TRERF1: variants seen among roughly 807,000 people sequenced by gnomAD.
The protein encoded by TRERF1 is transcriptional-regulating factor 1.
TRERF1 carries 27 observed loss-of-function variants against 122.9 expected under a neutral mutation model. The observed-to-expected ratio is 0.22, with a 90% CI of 0.16 to 0.30. The LOEUF is 0.30. Among genes scored for constraint, TRERF1 ranks in the 10% least tolerant of loss-of-function variants. TRERF1 has a pLI of 1.00. For missense variants in TRERF1, 1,248 were observed against 1,560.3 expected, an observed-to-expected ratio of 0.80 and a Z score of 3.37; for synonymous variants, 636 against 641.7, an observed-to-expected ratio of 0.99 and a Z score of 0.13.
chr6:42,292,153 T>C (rs1784420864), intron 4 of TRERF1, among the ~76,000 whole-genome samples: 1 of 152,222 alleles, frequency 6.6e-6, no homozygotes, highest in Non-Finnish European at 1.5e-5. Flanking sequence ...AGCAGTCTCA[T>C]TGCCTGGGGT....
chr6:42,236,384 CCTCT>C lies in TRERF1; in HGVS notation c.2883_2886del (p.Glu962ArgfsTer68). On this transcript the variant is annotated frameshift_variant, in exon 16 of 18. Transcript: ENST00000372922. LOFTEE classifies it high-confidence loss of function. The stretch of plus-strand genomic sequence containing the variant: ...TCTTCCGGGTCCTCCTCCTCCTCCT[CCTCT>C]AACTCTTCTTCTTCTTCACTTGTCT... 1 of 1,558,608 alleles carries C rather than the reference CCTCT, an allele frequency of 6.4e-7. No individual in the cohort carries two copies. The highest frequency in any genetic ancestry group is 8.7e-7 in the Non-Finnish European group (1 of 1,150,466).
chr6:42,296,660 T>G (rs981416611), intron 4 of TRERF1, among the ~76,000 whole-genome samples: 17 of 151,318 alleles, frequency 1.1e-4, no homozygotes, highest in Admixed American at 1.1e-3. Flanking sequence ...TAGACTCCCC[T>G]CCAATGAAAG....
At chr6:42,416,149 A>G (rs1781805139) in intron 2 of TRERF1, among the ~76,000 whole-genome samples, 1 of 152,020 alleles carries the variant, frequency 6.6e-6, no homozygotes, top group Non-Finnish European at 1.5e-5. Flanking sequence ...TTGTGCATTA[A>G]CTATGCACCA....
At chr6:42,337,381 A>G (rs1436502051) in intron 3 of TRERF1, among the ~76,000 whole-genome samples, 1 of 152,184 alleles carries the variant, frequency 6.6e-6, no homozygotes, top group Non-Finnish European at 1.5e-5. Context: ...CCTGATCCTC[A>G]AGGAGGTTAG....
intron 3 of TRERF1, among the ~76,000 whole-genome samples, chr6:42,329,324 A>G (rs997204913): frequency 1.3e-5 from 2 of 151,940 alleles, no homozygotes; most frequent in Admixed American, 6.6e-5. Context: ...GATGACAGCC[A>G]TGCTCATCCC....
chr6:42,303,093 G>T lies in TRERF1; in HGVS notation c.-370-2344C>A, dbSNP rs557015438. Among the ~76,000 whole-genome samples the T allele has an allele frequency of 3.5e-4, 53 of 152,322 alleles. 1 individual carries two copies. The highest frequency in any genetic ancestry group is 1.2e-3 in the African/African-American group (51 of 41,570). On this transcript the variant is annotated intron_variant, in intron 3 of 17. Transcript: ENST00000372922. Reference sequence around the variant, plus strand: ...TGGCTGGAGTTAAGGGAAAGGAAATGAAATTAACTAGTTCAATCCATTCAT... The same window carrying T: ...TGGCTGGAGTTAAGGGAAAGGAAATTAAATTAACTAGTTCAATCCATTCAT...
Position 42,373,413 on chromosome 6 carries a change from A to G in TRERF1, c.-453-10334T>C, listed in dbSNP as rs140499520. ...CTGGGCACGGTGGCTCACACCTGCA[A>G]TCCCAGCACTTTGGGAGGCCAAGGC... On this transcript the variant is annotated intron_variant, in intron 2 of 17. Coordinates refer to ENST00000372922, the Ensembl canonical transcript of TRERF1. Among the ~76,000 whole-genome samples the G allele has an allele frequency of 4.4e-3, 671 of 152,340 alleles. 3 individuals are homozygous for G. Among genetic ancestry groups the G allele is most frequent in the Non-Finnish European group, 6.0e-3 (405 of 68,028 alleles).
intron 3 of TRERF1, among the ~76,000 whole-genome samples, chr6:42,337,316 T>C (rs654043): frequency 0.19 from 29,086 of 152,150 alleles, 3,842 homozygotes; most frequent in African/African-American, 0.36. Context: ...TGAAGCATCT[T>C]TTTCCACTTG....
chr6:42,315,583 G>T (rs1273659634), intron 3 of TRERF1, among the ~76,000 whole-genome samples: 2 of 152,096 alleles, frequency 1.3e-5, no homozygotes, highest in African/African-American at 4.8e-5. Context: ...AGCTAAGAGG[G>T]AGCTCCTGGA....
intron 2 of TRERF1, among the ~76,000 whole-genome samples, chr6:42,441,043 C>T (rs1786424729): frequency 6.6e-6 from 1 of 152,166 alleles, no homozygotes; most frequent in African/African-American, 2.4e-5. Flanking sequence ...CAGAAGTAGA[C>T]ATATATTTTC....
At chr6:42,360,784 A>C (rs1012809216) in intron 3 of TRERF1, among the ~76,000 whole-genome samples, 1 of 139,454 alleles carries the variant, frequency 7.2e-6, no homozygotes, top group Non-Finnish European at 1.5e-5. Flanking sequence ...AAAAAAAAAA[A>C]AAAAAAAAAA....
intron 13 of TRERF1, among the ~76,000 whole-genome samples, chr6:42,249,680 C>G (rs1223643074): frequency 6.6e-6 from 1 of 152,226 alleles, no homozygotes; most frequent in Non-Finnish European, 1.5e-5. Context: ...CTATGTCACT[C>G]TCCCATTCCA....
At chr6:42,347,746 C>G (rs1273932949) in intron 3 of TRERF1, among the ~76,000 whole-genome samples, 2 of 152,174 alleles carry the variant, frequency 1.3e-5, no homozygotes, top group African/African-American at 4.8e-5. Context: ...GGAGATAAAA[C>G]CCCCACAAAT....
chr6:42,257,174 G>T (rs1202560051), intron 10 of TRERF1, 72 bp from the exon 11 acceptor site: 2 of 1,556,066 alleles, frequency 1.3e-6, no homozygotes, highest in African/African-American at 2.8e-5. Context: ...CAACTGTCAG[G>T]AACTTGAAAA....
chr6:42,406,858 T>C (rs1343251366), intron 2 of TRERF1, among the ~76,000 whole-genome samples: 4 of 152,100 alleles, frequency 2.6e-5, no homozygotes, highest in African/African-American at 9.7e-5. Context: ...ACATTCCCTA[T>C]GGGATCCTGC....
At chr6:42,325,798 C>G (rs1337879540) in intron 3 of TRERF1, among the ~76,000 whole-genome samples, 1 of 152,132 alleles carries the variant, frequency 6.6e-6, no homozygotes, top group Non-Finnish European at 1.5e-5. Flanking sequence ...TGGATTGAAT[C>G]CAGGAGTTCG....
chr6:42,352,688 A>G (rs1360035492), intron 3 of TRERF1, among the ~76,000 whole-genome samples: 1 of 152,238 alleles, frequency 6.6e-6, no homozygotes, highest in Non-Finnish European at 1.5e-5. Flanking sequence ...TTTAATATGT[A>G]AAGAGCCCTT....
At chr6:42,249,575 C>CT (rs1775395031) in intron 13 of TRERF1, among the ~76,000 whole-genome samples, 1 of 152,168 alleles carries the variant, frequency 6.6e-6, no homozygotes, top group Non-Finnish European at 1.5e-5. Flanking sequence ...AAGACTGCTG[C>CT]TCTGTCATAG....
chr6:42,448,828 AATT>A (rs1174714211), intron 2 of TRERF1, among the ~76,000 whole-genome samples: 6 of 152,232 alleles, frequency 3.9e-5, no homozygotes, highest in Admixed American at 3.9e-4. Context: ...AACACAAGAC[AATT>A]TTAACACTTC....
Sources: allele counts gnomAD v4.1 joint callset (sites outside exome capture counted in the v4.1 genomes callset), GRCh38; gene constraint gnomAD v4.1.1; transcripts MANE v1.5; gene names NCBI Gene and HGNC (gene_info 2026-07-23, HGNC 2026-07-21).